The following CSMD1 variants were observed in gnomAD, a reference collection of about 807,000 sequenced individuals.
CSMD1 encodes CUB and Sushi multiple domains 1.
Under a neutral mutation model 417.5 loss-of-function variants are expected in CSMD1, and 213 were observed. The observed-to-expected ratio is 0.51, with a 90% confidence interval of 0.46 to 0.57. The LOEUF is 0.57. Among genes scored for constraint, CSMD1 ranks in the 20% least tolerant of loss-of-function variants. The pLI, the probability that CSMD1 is intolerant of heterozygous loss-of-function variation, is 0.00. For synonymous variants in CSMD1, 2,862 were observed against 1,736.8 expected (o/e 1.65, Z -16.11); for missense variants, 6,923 against 4,529.7 (o/e 1.53, Z -15.17).
chr8:3,394,133 G>C (rs927094746), intron 17 of CSMD1, among the ~76,000 whole-genome samples: 1 of 143,074 alleles, frequency 7.0e-6, no homozygotes, highest in African/African-American at 2.5e-5. Flanking sequence ...TACGAAGCCT[G>C]CCCTCTACTT....
chr8:4,126,578 C>T (rs545311674), intron 3 of CSMD1, among the ~76,000 whole-genome samples: 1 of 152,250 alleles, frequency 6.6e-6, no homozygotes, highest in Non-Finnish European at 1.5e-5. Flanking sequence ...AGACTGGGGA[C>T]GGGCCACCTT....
At chr8:3,463,744 C>T (rs73497477) in intron 12 of CSMD1, among the ~76,000 whole-genome samples, 3 of 152,158 alleles carry the variant, frequency 2.0e-5, no homozygotes, top group East Asian at 1.9e-4. Flanking sequence ...AGTACAACCA[C>T]GCAAGACGAG....
intron 1 of CSMD1, among the ~76,000 whole-genome samples, chr8:4,780,357 G>A (rs769883893): frequency 2.0e-5 from 3 of 152,174 alleles, no homozygotes; most frequent in Non-Finnish European, 4.4e-5. Flanking sequence ...AGGACATTAA[G>A]CAGGTGTGAT....
intron 5 of CSMD1, among the ~76,000 whole-genome samples, chr8:3,887,047 A>C (rs76305785): frequency 0.017 from 2,537 of 152,100 alleles, 68 homozygotes; most frequent in African/African-American, 0.057. Flanking sequence ...TGCCTCACAC[A>C]TTTTCCCACC....
At chr8:4,220,041 T>C (rs992561738) in intron 3 of CSMD1, among the ~76,000 whole-genome samples, 2 of 152,094 alleles carry the variant, frequency 1.3e-5, no homozygotes, top group Non-Finnish European at 2.9e-5. Flanking sequence ...CCTCTGCCTC[T>C]CAGGTTTAAG....
In CSMD1 at chr8:3,163,109, T is replaced by C. The variant is rs369919292; in HGVS notation, c.5726-832A>G. On this transcript the variant is annotated intron_variant, in intron 37 of 69. Transcript: ENST00000635120. ...ATGAGCAAGTTCTGAGGATCTAAAG[T>C]GTACAGCATTGGATGTTGATGGATA... Among the ~76,000 whole-genome samples, 290 of 152,308 alleles carry C rather than the reference T, an allele frequency of 1.9e-3. 1 individual carries two copies. The highest frequency in any genetic ancestry group is 6.8e-3 in the African/African-American group (281 of 41,562).
chr8:3,526,965 T>G lies in CSMD1; in HGVS notation c.1345-33239A>C, dbSNP rs572494956. ...TTGTCAATGAGTCTATGTTGTTGGG[T>G]GCAGCCCTCTGGAGGGTGGGGCTAT... On this transcript the variant is annotated intron_variant, in intron 10 of 69. Coordinates refer to ENST00000635120, the MANE Select transcript of CSMD1 (RefSeq NM_033225.6). Among the ~76,000 whole-genome samples, 429 of 152,226 alleles carry G rather than the reference T, an allele frequency of 2.8e-3. 3 individuals carry two copies. Among genetic ancestry groups the G allele is most frequent in the African/African-American group, 9.8e-3 (407 of 41,514 alleles).
rs181820451 is a variant in CSMD1, at chr8:4,886,615, T to G, written c.85+107717A>C. Among the ~76,000 whole-genome samples the G allele has an allele frequency of 2.6e-5, 4 of 152,106 alleles. No homozygotes were observed. In the East Asian group the frequency reaches 7.7e-4, roughly 29 times the overall value. ...GTTTCATATAATTCAGCAGTAAAAC[T>G]GTGATGCCTGGGGTTTCCATTGTGA... is the stretch of plus-strand genomic sequence containing the variant. On this transcript the variant is annotated intron_variant, in intron 1 of 69. Transcript: ENST00000635120.
At chr8:3,502,410 A>G (rs1265432877) in intron 10 of CSMD1, among the ~76,000 whole-genome samples, 3 of 151,280 alleles carry the variant, frequency 2.0e-5, no homozygotes, top group Non-Finnish European at 4.4e-5. Context: ...AAACAACTGC[A>G]CATGTACGTT....
intron 3 of CSMD1, among the ~76,000 whole-genome samples, chr8:4,163,405 G>A (rs1330575000): frequency 6.6e-6 from 1 of 152,114 alleles, no homozygotes; most frequent in Admixed American, 6.5e-5. Context: ...TACATTGTTG[G>A]TGTTATGGAT....
chr8:3,308,417 C>T lies in CSMD1; in HGVS notation c.3718G>A (p.Val1240Ile), dbSNP rs1442544858. The T allele has an allele frequency of 6.2e-7, 1 of 1,613,602 alleles. No individual in the cohort carries two copies. Among genetic ancestry groups the T allele is most frequent in the Non-Finnish European group, 8.5e-7 (1 of 1,179,588 alleles). The change falls in exon 24 of 70, where the codon GTT becomes ATT. Residue 1240 changes from valine to isoleucine, a missense_variant. Transcript: ENST00000635120. Reference protein sequence around the residue: ...RDEGHFTDTVVLYSCNPGYAM... With the variant: ...RDEGHFTDTVILYSCNPGYAM... ...TACCCCGGGTTGCAACTGTACAGAACTACAGTGTCGGTAAAGTGGCCTTCA... is the reference window on the plus strand; with the variant it reads ...TACCCCGGGTTGCAACTGTACAGAATTACAGTGTCGGTAAAGTGGCCTTCA...
chr8:4,885,069 G>C (rs1404308872), intron 1 of CSMD1, among the ~76,000 whole-genome samples: 1 of 151,902 alleles, frequency 6.6e-6, no homozygotes, highest in Non-Finnish European at 1.5e-5. Context: ...TTTGTTAAAA[G>C]TATTATTGCA....
intron 1 of CSMD1, among the ~76,000 whole-genome samples, chr8:4,697,272 A>C (rs1807195058): frequency 6.6e-6 from 1 of 152,188 alleles, no homozygotes; most frequent in Non-Finnish European, 1.5e-5. Flanking sequence ...AACATATAGC[A>C]AGACAAGATG....
chr8:4,071,947 G>A (rs1158573835), intron 3 of CSMD1, among the ~76,000 whole-genome samples: 1 of 152,172 alleles, frequency 6.6e-6, no homozygotes, highest in African/African-American at 2.4e-5. Flanking sequence ...TGCAGCCACA[G>A]TGTGGGGCTC....
chr8:4,734,647 TTA>T (rs1742578682), intron 1 of CSMD1, among the ~76,000 whole-genome samples: 1 of 152,230 alleles, frequency 6.6e-6, no homozygotes, highest in Non-Finnish European at 1.5e-5. Context: ...AATACTTTTT[TTA>T]TTTTAACAAT....
At chr8:4,105,405 A>G (rs1801517666) in intron 3 of CSMD1, among the ~76,000 whole-genome samples, 1 of 152,138 alleles carries the variant, frequency 6.6e-6, no homozygotes, top group Non-Finnish European at 1.5e-5. Flanking sequence ...ATAGAAAAGT[A>G]TTTTTAGGAA....
At chr8:4,643,652 A>G (rs191405781) in intron 1 of CSMD1, among the ~76,000 whole-genome samples, 2 of 152,352 alleles carry the variant, frequency 1.3e-5, no homozygotes, top group African/African-American at 4.8e-5. Flanking sequence ...GAGGCCTCAG[A>G]TTTCAATGAA....
intron 2 of CSMD1, among the ~76,000 whole-genome samples, chr8:4,562,676 C>A (rs551927730): frequency 6.6e-6 from 1 of 152,084 alleles, no homozygotes; most frequent in South Asian, 2.1e-4. Flanking sequence ...GAGCAAGTCA[C>A]GCCACTGGTG....
At chr8:3,606,509 T>C (rs56076737) in intron 8 of CSMD1, among the ~76,000 whole-genome samples, 107,326 of 151,200 alleles carry the variant, frequency 0.71, 38,800 homozygotes, top group Non-Finnish European at 0.79. Flanking sequence ...TATAGGGTAC[T>C]CCCTATGAAT....
Sources: allele counts gnomAD v4.1 joint callset (sites outside exome capture counted in the v4.1 genomes callset), GRCh38; gene constraint gnomAD v4.1.1; transcripts MANE v1.5; gene names NCBI Gene and HGNC (gene_info 2026-07-23, HGNC 2026-07-21).